SLC8A2: variants seen among roughly 807,000 people sequenced by gnomAD.
SLC8A2 encodes the protein sodium/calcium exchanger 2.
SLC8A2 carries 14 observed loss-of-function variants against 70.2 expected under a neutral mutation model. That is an observed-to-expected ratio of 0.20 (90% CI 0.13 to 0.31). The LOEUF (loss-of-function observed/expected upper bound fraction) is 0.31. SLC8A2 is among the 10% of genes least tolerant of loss of function. The pLI is 1.00. For synonymous variants in SLC8A2, 575 were observed against 594.3 expected, an observed-to-expected ratio of 0.97 and a Z score of 0.47; for missense variants, 779 against 1,320.1, an observed-to-expected ratio of 0.59 and a Z score of 6.35.
rs1967201057 is a variant in SLC8A2, at chr19:47,448,749, G to T, written c.1341-518C>A. On this transcript the variant is annotated intron_variant, in intron 3 of 9. Transcript: ENST00000236877. This position sits in a 1 kb window ranked among gnomAD's most constrained non-coding sequence, Gnocchi z 4.8. ...TCTAACGAGCTCCAGGGGATGTCCT[G>T]GTCACATTTTAAGTGGCAGGGATAT... is the stretch of plus-strand genomic sequence containing the variant. Among the ~76,000 whole-genome samples the T allele has an allele frequency of 6.6e-6, 1 of 152,110 alleles. No homozygotes were observed. The highest frequency in any genetic ancestry group is 6.6e-5 in the Admixed American group (1 of 15,266).
intron 2 of SLC8A2, among the ~76,000 whole-genome samples, chr19:47,463,432 C>A (rs1967421376): frequency 6.7e-6 from 1 of 148,910 alleles, no homozygotes. Flanking sequence ...AGCACCCGGC[C>A]CAGAAACCTT....
chr19:47,431,965 G>A (rs1217814436), intron 9 of SLC8A2: 3 of 461,202 alleles, frequency 6.5e-6, no homozygotes, highest in African/African-American at 6.0e-5. Flanking sequence ...TTCTACCTGG[G>A]TGCTTTTGGG....
chr19:47,438,272 G>C (rs2122618179), intron 6 of SLC8A2, among the ~76,000 whole-genome samples: 1 of 152,150 alleles, frequency 6.6e-6, no homozygotes, highest in East Asian at 1.9e-4. Context: ...TGTTAAACGG[G>C]CACAATAATT....
Position 47,456,974 on chromosome 19 carries a change from G to A in SLC8A2, c.1296C>T (p.Arg432=), listed in dbSNP as rs1296880561. The change falls in exon 3 of 10, where the codon CGC becomes CGT. Residue 432 remains arginine, a synonymous_variant. Transcript: ENST00000236877. The part of the protein sequence containing the change: ...EGNSTFYVDY[R]TEDGSAKAGS... ...CCGCCTTGGCAGAGCCGTCCTCAGTGCGGTAGTCCACGTAGAAGGTGCTGT... is the reference window on the plus strand; with the variant it reads ...CCGCCTTGGCAGAGCCGTCCTCAGTACGGTAGTCCACGTAGAAGGTGCTGT... 14 of 1,612,262 alleles carry A rather than the reference G, an allele frequency of 8.7e-6. No homozygotes were observed. The African/African-American group carries it at 1.6e-4, about 18-fold the overall frequency.
In SLC8A2 at chr19:47,428,470, C is replaced by T. The variant is rs914376435; in HGVS notation, c.*1619G>A. The T allele has an allele frequency of 2.7e-5, 4 of 149,150 alleles. No individual in the cohort carries two copies. Among genetic ancestry groups the T allele is most frequent in the East Asian group, 2.0e-4 (1 of 5,046 alleles). The allele number at this position is 149,150 out of a possible 1,614,324, so 9.2% of individuals were successfully genotyped here. On this transcript the variant is annotated 3_prime_UTR_variant, in exon 10 of 10. Coordinates refer to ENST00000236877, the MANE Select transcript of SLC8A2 (RefSeq NM_015063.3). ...GATGGGGGCGTGGCTAGTGGAAGCT[C>T]ATTACTGATGGGGGCGTGGCGAGTG...
rs762029897 is a variant in SLC8A2, at chr19:47,432,461, C to T, written c.2111-16G>A. 3.2e-6 allele frequency: 5 copies of T among 1,566,168 alleles called. No homozygotes were observed. Among genetic ancestry groups the T allele is most frequent in the Non-Finnish European group, 3.5e-6 (4 of 1,156,426 alleles). ...TCCTCGTCCCCTGTGGGCACACGACCCAGCTGGGGCATACACTCAGACTTC... is the reference window on the plus strand; with the variant it reads ...TCCTCGTCCCCTGTGGGCACACGACTCAGCTGGGGCATACACTCAGACTTC... On this transcript the variant is annotated splice_polypyrimidine_tract_variant and intron_variant, in intron 8 of 9. Transcript: ENST00000236877. The surrounding 1 kb of genome is among the most constrained non-coding windows in gnomAD (Gnocchi z 6.2).
chr19:47,468,858 G>A lies in SLC8A2; in HGVS notation c.-16-2439C>T, dbSNP rs1240047794. On this transcript the variant is annotated intron_variant, in intron 1 of 9. Transcript: ENST00000236877. The surrounding 1 kb of genome is among the most constrained non-coding windows in gnomAD (Gnocchi z 5.1). The stretch of plus-strand genomic sequence containing the variant: ...ACCCTCATGTTGCCATGGTAACCCA[G>A]TGGCTTATCAAAAAGAGAAGGAGAG... Among the ~76,000 whole-genome samples, 1 of 151,968 alleles carries A rather than the reference G, an allele frequency of 6.6e-6. No homozygotes were observed. Among genetic ancestry groups the A allele is most frequent in the East Asian group, 1.9e-4 (1 of 5,196 alleles).
intron 3 of SLC8A2, among the ~76,000 whole-genome samples, chr19:47,452,575 T>G (rs1967257986): frequency 2.0e-5 from 3 of 150,990 alleles, no homozygotes; most frequent in South Asian, 4.3e-4. Context: ...GCAATTCTCC[T>G]GCCTCAGCCT....
intron 2 of SLC8A2, among the ~76,000 whole-genome samples, chr19:47,459,658 CTTCT>C (rs1391084043): frequency 4.7e-5 from 7 of 147,480 alleles, no homozygotes; most frequent in Admixed American, 1.4e-4. Context: ...TGTGTGTGTC[CTTCT>C]GTGTGTGTGC....
intron 3 of SLC8A2, among the ~76,000 whole-genome samples, chr19:47,449,911 G>A (rs1967215001): frequency 1.3e-5 from 2 of 152,078 alleles, no homozygotes; most frequent in African/African-American, 4.8e-5. Flanking sequence ...AGCAGAGGAG[G>A]GACACGAGCT....
intron 2 of SLC8A2, among the ~76,000 whole-genome samples, chr19:47,463,294 G>A (rs1200286385): frequency 4.7e-5 from 7 of 147,476 alleles, no homozygotes; most frequent in African/African-American, 1.5e-4. Flanking sequence ...CACCACGCCC[G>A]GCTAATTTTT....
At chr19:47,470,472 A>G (rs1599862878) in intron 1 of SLC8A2, among the ~76,000 whole-genome samples, 2 of 152,020 alleles carry the variant, frequency 1.3e-5, no homozygotes, top group Middle Eastern at 3.2e-3. Context: ...CTCTCAAGGA[A>G]GGCAGACAGT....
At chr19:47,456,876 G>A in intron 3 of SLC8A2, 54 bp downstream of exon 3, 1 of 1,499,510 alleles carries the variant, frequency 6.7e-7, no homozygotes, top group Non-Finnish European at 8.9e-7. Context: ...GCCGGACGGC[G>A]GGACCCACGG....
At position 47,447,104 on chromosome 19, in the gene SLC8A2, C is replaced by G. The variant is rs1013505698; in HGVS notation, c.1763+705G>C. ...CCCGCTATTTCCCCAGGTTCTTCCT[C>G]ATACCCAGAAGCCCCACCCCTTCCC... On this transcript the variant is annotated intron_variant, in intron 4 of 9. Transcript: ENST00000236877. This position sits in a 1 kb window ranked among gnomAD's most constrained non-coding sequence, Gnocchi z 5.1. Among the ~76,000 whole-genome samples the G allele has an allele frequency of 1.3e-5, 2 of 152,016 alleles. No individual in the cohort carries two copies. The highest frequency in any genetic ancestry group is 2.9e-5 in the Non-Finnish European group (2 of 67,998).
chr19:47,450,250 C>T (rs939774075), intron 3 of SLC8A2, among the ~76,000 whole-genome samples: 7 of 152,064 alleles, frequency 4.6e-5, no homozygotes, highest in Admixed American at 6.6e-5. Flanking sequence ...GGGCCGGGCG[C>T]GGTGGCTCAC....
chr19:47,435,255 A>G (rs1244866245), intron 8 of SLC8A2, among the ~76,000 whole-genome samples: 1 of 152,020 alleles, frequency 6.6e-6, no homozygotes, highest in Non-Finnish European at 1.5e-5. Flanking sequence ...TGTCATAATC[A>G]GGATTATTAT....
rs1034409698 is a variant in SLC8A2, at chr19:47,430,544, G to C, written c.2390-79C>G. 1 of 1,416,032 alleles carries C rather than the reference G, an allele frequency of 7.1e-7. No individual in the cohort carries two copies. The highest frequency in any genetic ancestry group is 9.3e-7 in the Non-Finnish European group (1 of 1,075,672). 87.7% of individuals were successfully genotyped at this position (1,416,032 alleles called of 1,614,324 possible). A position where few individuals can be genotyped will look rare whatever the true frequency, so the allele number is the denominator to read the frequency against. On this transcript the variant is annotated intron_variant, in intron 9 of 9. Transcript: ENST00000236877. This position sits in a 1 kb window ranked among gnomAD's most constrained non-coding sequence, Gnocchi z 5.9. ...GCGGGCATCCGCCTGCCCCCTCCCA[G>C]CCTTTCCCGGTCGCCTGCTTTCTGC... is the stretch of plus-strand genomic sequence containing the variant.
Position 47,432,411 on chromosome 19 carries a change from C to T in SLC8A2, c.2145G>A (p.Glu715=), listed in dbSNP as rs1966976034. ...DEEEEEDGSR[E]ERLPSCFDYV... ...AGTCAAAGCACGACGGCAGCCGCTCCTCCCGGGACCCGTCCTCCTCCTCCT... is the reference window on the plus strand; with the variant it reads ...AGTCAAAGCACGACGGCAGCCGCTCTTCCCGGGACCCGTCCTCCTCCTCCT... Residue 715 remains glutamate (E), a synonymous_variant, in exon 9 of 10, where the codon GAG becomes GAA. Transcript: ENST00000236877. The surrounding 1 kb of genome is among the most constrained non-coding windows in gnomAD (Gnocchi z 6.2). The T allele has an allele frequency of 6.2e-7, 1 of 1,608,596 alleles. No homozygotes were observed. The highest frequency in any genetic ancestry group is 8.5e-7 in the Non-Finnish European group (1 of 1,177,064).
intron 3 of SLC8A2, among the ~76,000 whole-genome samples, chr19:47,452,631 T>G (rs1039880395): frequency 6.6e-6 from 1 of 151,970 alleles, no homozygotes; most frequent in African/African-American, 2.4e-5. Flanking sequence ...ATCAGAATCA[T>G]AGAAGGCTAG....
Sources: allele counts gnomAD v4.1 joint callset (sites outside exome capture counted in the v4.1 genomes callset), GRCh38; gene constraint gnomAD v4.1.1; non-coding constraint Gnocchi (gnomAD v3.1); transcripts MANE v1.5; gene names NCBI Gene and HGNC (gene_info 2026-07-23, HGNC 2026-07-21).